PGM2L1: variants seen among roughly 807,000 people sequenced by gnomAD.
PGM2L1 encodes phosphoglucomutase 2 like 1, also known as glucose 1,6-bisphosphate synthase.
In PGM2L1, 35 loss-of-function variants were observed where a neutral mutation model predicts 73.4. The ratio of observed to expected loss-of-function variants is 0.48; its 90% CI spans 0.36 to 0.63. PGM2L1 has a LOEUF of 0.63. PGM2L1 is among the 30% of genes least tolerant of loss of function. The pLI is 0.00. For missense variants in PGM2L1, 570 were observed against 742.0 expected, an observed-to-expected ratio of 0.77 and a Z score of 2.69; for synonymous variants, 225 against 253.8, an observed-to-expected ratio of 0.89 and a Z score of 1.08.
intron 1 of PGM2L1, among the ~76,000 whole-genome samples, chr11:74,386,467 T>C (rs1423064006): frequency 1.3e-5 from 2 of 149,810 alleles, no homozygotes; most frequent in East Asian, 2.0e-4. Flanking sequence ...GCAATATCTG[T>C]CAAAAAAAAA....
intron 10 of PGM2L1, 35 bp downstream of exon 10, chr11:74,343,288 A>G: frequency 6.5e-7 from 1 of 1,538,854 alleles, no homozygotes; most frequent in Non-Finnish European, 8.7e-7. Flanking sequence ...AAAATTATCA[A>G]TCAAATTTTG....
At chr11:74,388,682 C>T (rs189850679) in intron 1 of PGM2L1, among the ~76,000 whole-genome samples, 148 of 152,286 alleles carry the variant, frequency 9.7e-4, no homozygotes, top group Middle Eastern at 3.4e-3. Context: ...AGTCTTCATA[C>T]TCTTTAAGGC....
rs150335312 is a variant in PGM2L1 at position 74,345,745 on chromosome 11, A to C, written c.1038-96T>G. On this transcript the variant is annotated intron_variant, in intron 8 of 13. Transcript: ENST00000298198. ...AAATTACCATCCTTCAGTTAGGAAA[A>C]ATCAAAAACTATCATATGGGATTTT... 47 of 1,053,200 alleles carry C rather than the reference A, an allele frequency of 4.5e-5. No individual in the cohort carries two copies. The African/African-American group carries it at 7.2e-4, about 16-fold the overall frequency. 65.2% of individuals were successfully genotyped at this position (1,053,200 alleles called of 1,614,324 possible).
chr11:74,361,879 CAAGA>C (rs982695709), intron 5 of PGM2L1, among the ~76,000 whole-genome samples: 1 of 152,072 alleles, frequency 6.6e-6, no homozygotes, highest in Non-Finnish European at 1.5e-5. Context: ...ACAAAGCCTC[CAAGA>C]AATATGGGAC....
chr11:74,375,850 A>T (rs1862845987), intron 1 of PGM2L1, among the ~76,000 whole-genome samples: 1 of 152,202 alleles, frequency 6.6e-6, no homozygotes, highest in African/African-American at 2.4e-5. Context: ...TAAAAATATG[A>T]ATAGCTATTA....
At chr11:74,374,145 G>A (rs915089669) in intron 2 of PGM2L1, among the ~76,000 whole-genome samples, 1 of 151,116 alleles carries the variant, frequency 6.6e-6, no homozygotes, top group Admixed American at 6.6e-5. Flanking sequence ...ATGCAGTGGC[G>A]CGATCTCGGC....
chr11:74,332,211 C>A lies in PGM2L1; in HGVS notation c.*4441G>T, dbSNP rs1413124825. The A allele has an allele frequency of 6.6e-6, 1 of 152,136 alleles. No homozygotes were observed. The highest frequency in any genetic ancestry group is 1.5e-5 in the Non-Finnish European group (1 of 68,028). The allele number at this position is 152,136 out of a possible 1,614,324, so 9.4% of individuals were successfully genotyped here. Reference sequence around the variant, plus strand: ...CTTTGGCTCCCCAAGTACAAGGAAACCTGAAATAGAATGTTATGTCAATTG... The same window carrying A: ...CTTTGGCTCCCCAAGTACAAGGAAAACTGAAATAGAATGTTATGTCAATTG... On this transcript the variant is annotated 3_prime_UTR_variant, in exon 14 of 14. Coordinates refer to ENST00000298198, the MANE Select transcript of PGM2L1 (RefSeq NM_173582.6).
intron 5 of PGM2L1, among the ~76,000 whole-genome samples, chr11:74,354,281 GA>G (rs1326527415): frequency 1.2e-4 from 19 of 152,078 alleles, no homozygotes; most frequent in African/African-American, 4.6e-4. Context: ...ATTCCTATCT[GA>G]TATAGTAACA....
chr11:74,355,830 A>G, intron 5 of PGM2L1: 1 of 447,322 alleles, frequency 2.2e-6, no homozygotes, highest in Admixed American at 2.4e-5. Flanking sequence ...CAGTGGTGGC[A>G]GGGCCTAGCT....
At position 74,397,909 on chromosome 11, in the gene PGM2L1, G is replaced by A. The variant is rs1014851345; in HGVS notation, c.111+142C>T. On this transcript the variant is annotated intron_variant, in intron 1 of 13. Coordinates refer to ENST00000298198, the MANE Select transcript of PGM2L1 (RefSeq NM_173582.6). ...GAAGGAGCAACCCCACGCATAGGTG[G>A]GTGGCAACGCCCTGCTCCGCTGCCC... 3.7e-6 allele frequency: 5 copies of A among 1,344,048 alleles called. No homozygotes were observed. In the African/African-American group the frequency reaches 5.9e-5, roughly 16 times the overall value. The allele number at this position is 1,344,048 out of a possible 1,614,324, so 83.3% of individuals were successfully genotyped here. A position where few individuals can be genotyped will look rare whatever the true frequency, so the allele number is the denominator to read the frequency against.
chr11:74,373,542 G>A (rs1237686006), intron 2 of PGM2L1, among the ~76,000 whole-genome samples: 1 of 152,204 alleles, frequency 6.6e-6, no homozygotes, highest in African/African-American at 2.4e-5. Flanking sequence ...TTTGAAACAG[G>A]ATGATTCACT....
intron 1 of PGM2L1, among the ~76,000 whole-genome samples, chr11:74,385,109 C>T (rs916789571): frequency 1.3e-5 from 2 of 152,198 alleles, no homozygotes; most frequent in African/African-American, 4.8e-5. Flanking sequence ...TTAAATAACA[C>T]CTTCAAACAG....
chr11:74,345,774 G>C (rs747551057), intron 8 of PGM2L1, 125 bp from the exon 9 acceptor site: 8 of 819,510 alleles, frequency 9.8e-6, no homozygotes, highest in Non-Finnish European at 1.5e-5. Flanking sequence ...GGATTTTTGA[G>C]AAAACATTTA....
intron 1 of PGM2L1, among the ~76,000 whole-genome samples, chr11:74,388,785 T>C (rs150124258): frequency 1.9e-3 from 292 of 152,310 alleles, no homozygotes; most frequent in African/African-American, 6.6e-3. Context: ...TTGGTGACAC[T>C]ATCTCACTGC....
chr11:74,398,052 T>A lies in PGM2L1; in HGVS notation c.110A>T (p.Lys37Met). ...TTGCCGGGCTGACCAGGTACCCACC[T>A]TATCCCAGCGGAGCCACTGCCCGAT... Reference protein sequence around the residue: ...TAIGQWLRWDKNPKTKEQIEN... With the variant: ...TAIGQWLRWDMNPKTKEQIEN... Residue 37 changes from lysine to methionine, a missense_variant and splice_region_variant, in exon 1 of 14, where the codon AAG (lysine) becomes ATG (methionine). Coordinates refer to ENST00000298198, the MANE Select transcript of PGM2L1 (RefSeq NM_173582.6). 1 of 1,606,072 alleles carries A rather than the reference T, an allele frequency of 6.2e-7. No individual in the cohort carries two copies. Among genetic ancestry groups the A allele is most frequent in the Non-Finnish European group, 8.5e-7 (1 of 1,175,596 alleles).
intron 5 of PGM2L1, among the ~76,000 whole-genome samples, chr11:74,352,110 A>G (rs2134898096): frequency 6.6e-6 from 1 of 152,232 alleles, no homozygotes; most frequent in South Asian, 2.1e-4. Context: ...AAATGATTAT[A>G]TATGATTTTC....
chr11:74,386,150 CAA>C (rs1863014749), intron 1 of PGM2L1, among the ~76,000 whole-genome samples: 1 of 151,940 alleles, frequency 6.6e-6, no homozygotes, highest in South Asian at 2.1e-4. Flanking sequence ...CATGATACAT[CAA>C]AGACTTATTT....
At chr11:74,381,327 G>C (rs1862939550) in intron 1 of PGM2L1, among the ~76,000 whole-genome samples, 1 of 152,002 alleles carries the variant, frequency 6.6e-6, no homozygotes, top group South Asian at 2.1e-4. Context: ...CCTAGCCCCA[G>C]ACCTACTCCC....
intron 1 of PGM2L1, among the ~76,000 whole-genome samples, chr11:74,389,425 G>A (rs889818618): frequency 1.3e-4 from 20 of 152,004 alleles, no homozygotes; most frequent in Admixed American, 1.3e-3. Context: ...TAAGAGGAGA[G>A]GAAGAGACAG....
Sources: allele counts gnomAD v4.1 joint callset (sites outside exome capture counted in the v4.1 genomes callset), GRCh38; gene constraint gnomAD v4.1.1; transcripts MANE v1.5; gene names NCBI Gene and HGNC (gene_info 2026-07-23, HGNC 2026-07-21).